MGAT4C: variants seen among roughly 807,000 people sequenced by gnomAD.
MGAT4C encodes alpha-1,3-mannosyl-glycoprotein 4-beta-N-acetylglucosaminyltransferase C.
In MGAT4C, 19 loss-of-function variants were observed where a neutral mutation model predicts 40.1. That is an observed-to-expected ratio of 0.47 (90% confidence interval 0.33 to 0.70). The LOEUF (loss-of-function observed/expected upper bound fraction) is 0.70, where lower values mean the gene tolerates loss of function less well. Ranked by LOEUF, MGAT4C falls within the 30% of genes least tolerant of loss-of-function variation. The pLI is 0.02. For synonymous variants in MGAT4C, 181 were observed against 187.1 expected (o/e 0.97, Z 0.27); for missense variants, 491 against 563.2 (o/e 0.87, Z 1.30).
At chr12:86,123,648 T>TA (rs1879804067) in intron 1 of MGAT4C, among the ~76,000 whole-genome samples, 1 of 152,136 alleles carries the variant, frequency 6.6e-6, no homozygotes, top group African/African-American at 2.4e-5. Flanking sequence ...ATGTTCATAT[T>TA]TCTTTGAAAT....
At chr12:86,008,051 A>G (rs959837449) in intron 2 of MGAT4C, among the ~76,000 whole-genome samples, 12 of 152,024 alleles carry the variant, frequency 7.9e-5, no homozygotes, top group Non-Finnish European at 1.8e-4. Context: ...TCAATATCAT[A>G]CTATCTGGAT....
At position 85,972,953 on chromosome 12, in the gene MGAT4C, A is replaced by G. The variant is rs1320121629; in HGVS notation, c.*6336T>C. ...ATGTGGGGTATTTTATGGAGAAAAG[A>G]GGCATGTACTACCTTAAACATTTTC... On this transcript the variant is annotated 3_prime_UTR_variant, in exon 5 of 5. Transcript: ENST00000611864. 6.6e-6 allele frequency: 1 copy of G among 151,030 alleles called. No homozygotes were observed. Among genetic ancestry groups the G allele is most frequent in the Non-Finnish European group, 1.5e-5 (1 of 67,180 alleles). The allele number at this position is 151,030 out of a possible 1,614,324, so 9.4% of individuals were successfully genotyped here. A position where few individuals can be genotyped will look rare whatever the true frequency, so the allele number is the denominator to read the frequency against.
Position 86,102,168 on chromosome 12 carries a change from G to C in MGAT4C, c.-56-52445C>G, listed in dbSNP as rs533061061. Among the ~76,000 whole-genome samples the C allele has an allele frequency of 9.5e-4, 144 of 151,916 alleles. 1 individual carries two copies. Among genetic ancestry groups the C allele is most frequent in the African/African-American group, 3.4e-3 (141 of 41,502 alleles). The stretch of plus-strand genomic sequence containing the variant: ...AGGAACCAAATGCTGATGTAAACTT[G>C]AATAACTAAAATATAGGATATCAAC... On this transcript the variant is annotated intron_variant, in intron 1 of 4. Transcript: ENST00000611864.
chr12:86,325,444 C>T (rs1199640135), intron 4 of MGAT4C, among the ~76,000 whole-genome samples: 1 of 152,158 alleles, frequency 6.6e-6, no homozygotes, highest in Non-Finnish European at 1.5e-5. Context: ...AATATTGGCA[C>T]ATTTCTAATT....
At chr12:86,187,460 T>C (rs939208837) in intron 1 of MGAT4C, among the ~76,000 whole-genome samples, 20 of 152,200 alleles carry the variant, frequency 1.3e-4, no homozygotes, top group Admixed American at 4.6e-4. Context: ...AGGGTCTTCA[T>C]TACCCTTTGC....
intron 2 of MGAT4C, among the ~76,000 whole-genome samples, chr12:86,698,656 ATAAGTATG>A (rs1205076990): frequency 1.3e-5 from 2 of 152,114 alleles, no homozygotes; most frequent in Non-Finnish European, 2.9e-5. Flanking sequence ...AACTCATGTC[ATAAGTATG>A]TACAGCTGAG....
chr12:86,405,173 G>C (rs1238416306), intron 3 of MGAT4C, among the ~76,000 whole-genome samples: 3 of 151,968 alleles, frequency 2.0e-5, no homozygotes, highest in African/African-American at 7.2e-5. Flanking sequence ...GTTCTTGCCA[G>C]TACAATAAGG....
chr12:86,395,298 C>T (rs1002014359), intron 3 of MGAT4C, among the ~76,000 whole-genome samples: 1 of 151,948 alleles, frequency 6.6e-6, no homozygotes, highest in African/African-American at 2.4e-5. Context: ...GAGGTTCTGG[C>T]TTATTTTGAA....
intron 1 of MGAT4C, among the ~76,000 whole-genome samples, chr12:86,793,878 T>C (rs765080645): frequency 1.3e-5 from 2 of 151,958 alleles, no homozygotes; most frequent in Non-Finnish European, 2.9e-5. Flanking sequence ...AACAGTGATA[T>C]TGGTAAATGT....
intron 1 of MGAT4C, among the ~76,000 whole-genome samples, chr12:86,220,552 A>G (rs1950839756): frequency 6.6e-6 from 1 of 152,178 alleles, no homozygotes; most frequent in South Asian, 2.1e-4. Flanking sequence ...TGATTCAACA[A>G]TAGAGCCTTA....
intron 2 of MGAT4C, among the ~76,000 whole-genome samples, chr12:86,678,552 T>C (rs1949910840): frequency 6.6e-6 from 1 of 150,954 alleles, no homozygotes. Context: ...TAGCATTAGG[T>C]ATATCTCCTA....
rs76478762 is a variant in MGAT4C at position 86,582,387 on chromosome 12, G to C, written c.-229+144822C>G. ...CTGAGTCAATGAGAACTTACATGGA[G>C]TATGTTTAGACCTCACAGTCAGAAG... is the stretch of plus-strand genomic sequence containing the variant. On this transcript the variant is annotated intron_variant, in intron 2 of 7. Transcript: ENST00000548651. Among the ~76,000 whole-genome samples, 361 of 151,342 alleles carry C rather than the reference G, an allele frequency of 2.4e-3. 11 individuals are homozygous for C. In the East Asian group the frequency reaches 0.062, roughly 26 times the overall value.
chr12:86,475,048 A>C (rs1045767959), intron 2 of MGAT4C, among the ~76,000 whole-genome samples: 1 of 152,110 alleles, frequency 6.6e-6, no homozygotes, highest in African/African-American at 2.4e-5. Flanking sequence ...AAAAATAGTA[A>C]ACTCATATAA....
At chr12:86,172,144 A>G (rs1355786904) in intron 1 of MGAT4C, among the ~76,000 whole-genome samples, 1 of 152,198 alleles carries the variant, frequency 6.6e-6, no homozygotes, top group Admixed American at 6.5e-5. Flanking sequence ...TAATATGAGT[A>G]CACATCTGAG....
intron 3 of MGAT4C, among the ~76,000 whole-genome samples, chr12:86,368,961 T>G (rs1955665161): frequency 6.6e-6 from 1 of 152,016 alleles, no homozygotes; most frequent in African/African-American, 2.4e-5. Flanking sequence ...TTATTGTAAG[T>G]GGGGTATTGA....
chr12:86,430,675 G>T (rs1025735875), intron 3 of MGAT4C, among the ~76,000 whole-genome samples: 1 of 152,186 alleles, frequency 6.6e-6, no homozygotes, highest in Non-Finnish European at 1.5e-5. Flanking sequence ...GTGACCTGAA[G>T]TTGGGCAGGG....
intron 1 of MGAT4C, among the ~76,000 whole-genome samples, chr12:86,805,023 C>T (rs941613506): frequency 6.6e-6 from 1 of 151,902 alleles, no homozygotes; most frequent in Non-Finnish European, 1.5e-5. Flanking sequence ...TAGGAGTTGC[C>T]AAATTTCTCT....
chr12:86,066,162 C>CAATA (rs1440477313), intron 1 of MGAT4C, among the ~76,000 whole-genome samples: 14 of 152,108 alleles, frequency 9.2e-5, no homozygotes, highest in Non-Finnish European at 1.6e-4. Flanking sequence ...TCAATGCTAT[C>CAATA]CCCATCAAGG....
intron 2 of MGAT4C, among the ~76,000 whole-genome samples, chr12:86,035,129 T>C (rs1362229273): frequency 2.0e-5 from 3 of 150,068 alleles, no homozygotes; most frequent in Admixed American, 6.7e-5. Flanking sequence ...GTATTTCTAG[T>C]TCTAGATAAA....
Sources: gnomAD v4.1 joint callset for allele counts (sites outside exome capture counted in the v4.1 genomes callset) on GRCh38, gnomAD v4.1.1 for gene constraint, MANE v1.5 for transcripts, NCBI Gene and HGNC (gene_info 2026-07-23, HGNC 2026-07-21) for gene names.